AUTS2: variants seen among roughly 807,000 people sequenced by gnomAD.
The protein encoded by AUTS2 is activator of transcription and developmental regulator AUTS2.
AUTS2 carries 17 observed loss-of-function variants against 112.4 expected under a neutral mutation model. The observed-to-expected ratio is 0.15, with a 90% CI of 0.10 to 0.23. AUTS2 has a LOEUF of 0.23. AUTS2 is among the 10% of genes least tolerant of loss of function. The pLI, the probability that AUTS2 is intolerant of heterozygous loss-of-function variation, is 1.00. For missense variants in AUTS2, 1,510 were observed against 1,701.6 expected (o/e 0.89, Z 1.98); for synonymous variants, 751 against 702.7 (o/e 1.07, Z -1.09).
intron 1 of AUTS2, among the ~76,000 whole-genome samples, chr7:69,887,305 A>G (rs1794321019): frequency 6.6e-6 from 1 of 151,922 alleles, no homozygotes; most frequent in South Asian, 2.1e-4. Context: ...AATCCCAGCT[A>G]CATGGGAGGC....
chr7:70,275,819 G>A (rs554811938), intron 4 of AUTS2, among the ~76,000 whole-genome samples: 2 of 152,260 alleles, frequency 1.3e-5, no homozygotes, highest in Non-Finnish European at 2.9e-5. Flanking sequence ...GGATGTGTTT[G>A]CTTCCCCTTC....
At chr7:70,383,568 A>G (rs1376809589) in intron 4 of AUTS2, among the ~76,000 whole-genome samples, 1 of 152,208 alleles carries the variant, frequency 6.6e-6, no homozygotes, top group East Asian at 1.9e-4. Flanking sequence ...TCTGTTCTGC[A>G]TCTTTGAGGC....
chr7:70,169,063 T>A (rs1808531160), intron 4 of AUTS2, among the ~76,000 whole-genome samples: 1 of 152,138 alleles, frequency 6.6e-6, no homozygotes, highest in South Asian at 2.1e-4. Context: ...AGATTTAGAT[T>A]AGTTACATGA....
At chr7:69,844,037 A>G (rs986028100) in intron 1 of AUTS2, among the ~76,000 whole-genome samples, 1 of 152,224 alleles carries the variant, frequency 6.6e-6, no homozygotes, top group African/African-American at 2.4e-5. Flanking sequence ...TTCACATACC[A>G]GCCAATCCTC....
chr7:70,471,942 G>A (rs1054413708), intron 5 of AUTS2, among the ~76,000 whole-genome samples: 1 of 152,044 alleles, frequency 6.6e-6, no homozygotes, highest in South Asian at 2.1e-4. Flanking sequence ...GAGTGGAGAG[G>A]GGGAGAGCCA....
intron 18 of AUTS2, among the ~76,000 whole-genome samples, chr7:70,787,681 C>CA (rs1353825916): frequency 6.6e-6 from 1 of 152,172 alleles, no homozygotes; most frequent in Non-Finnish European, 1.5e-5. Context: ...CAGCACGTCC[C>CA]AAGTCCCTGT....
intron 2 of AUTS2, among the ~76,000 whole-genome samples, chr7:69,993,136 C>CA (rs1280792106): frequency 2.0e-5 from 3 of 152,302 alleles, no homozygotes; most frequent in South Asian, 4.1e-4. Context: ...GGTTCAGAGA[C>CA]AAAGACGATG....
intron 4 of AUTS2, among the ~76,000 whole-genome samples, chr7:70,299,134 A>G (rs1448594399): frequency 6.6e-6 from 1 of 152,226 alleles, no homozygotes; most frequent in Non-Finnish European, 1.5e-5. Flanking sequence ...TCTTTTCCAA[A>G]TAAAGATTGC....
chr7:70,359,200 A>G (rs1410523788), intron 4 of AUTS2, among the ~76,000 whole-genome samples: 1 of 152,250 alleles, frequency 6.6e-6, no homozygotes, highest in East Asian at 1.9e-4. Flanking sequence ...TAGTTTGAAC[A>G]AAGTAAAGCA....
intron 6 of AUTS2, among the ~76,000 whole-genome samples, chr7:70,730,547 A>G (rs1018860770): frequency 9.8e-5 from 15 of 152,308 alleles, no homozygotes; most frequent in African/African-American, 3.1e-4. Flanking sequence ...TTCACTTAGC[A>G]TAATGTTTTC....
chr7:70,259,656 G>T (rs1034083438), intron 4 of AUTS2, among the ~76,000 whole-genome samples: 1 of 152,224 alleles, frequency 6.6e-6, no homozygotes, highest in Non-Finnish European at 1.5e-5. Context: ...ATGCCACCTT[G>T]TTCTTGACCA....
chr7:70,358,761 A>T (rs565975158), intron 4 of AUTS2, among the ~76,000 whole-genome samples: 1 of 152,340 alleles, frequency 6.6e-6, no homozygotes, highest in South Asian at 2.1e-4. Context: ...CCCCTTATGC[A>T]TGGTCTCAAG....
chr7:69,658,932 C>A (rs1437592090), intron 1 of AUTS2, among the ~76,000 whole-genome samples: 1 of 152,162 alleles, frequency 6.6e-6, no homozygotes, highest in African/African-American at 2.4e-5. Flanking sequence ...TATGCTTTTG[C>A]TATTCACATA....
intron 1 of AUTS2, among the ~76,000 whole-genome samples, chr7:69,630,462 GC>G (rs1264667152): frequency 1.3e-5 from 2 of 152,098 alleles, no homozygotes; most frequent in Non-Finnish European, 2.9e-5. Flanking sequence ...CTGTAAACTA[GC>G]CACGAGTAAA....
intron 4 of AUTS2, among the ~76,000 whole-genome samples, chr7:70,148,530 A>T (rs981657015): frequency 6.6e-6 from 1 of 152,188 alleles, no homozygotes; most frequent in Non-Finnish European, 1.5e-5. Flanking sequence ...GACTCAGCCC[A>T]CTGGTCTGGT....
chr7:69,761,514 A>C (rs917851239), intron 1 of AUTS2, among the ~76,000 whole-genome samples: 1 of 152,038 alleles, frequency 6.6e-6, no homozygotes, highest in Non-Finnish European at 1.5e-5. Context: ...TTGTGAGATC[A>C]TCTTTCTGTG....
At chr7:70,628,365 A>ATATATG (rs1563086179) in intron 5 of AUTS2, among the ~76,000 whole-genome samples, 1 of 6,356 alleles carries the variant, frequency 1.6e-4, no homozygotes, top group Non-Finnish European at 3.1e-4. Flanking sequence ...GTATATATAT[A>ATATATG]TATATGTATA....
At chr7:70,398,925 TG>T (rs932072178) in intron 4 of AUTS2, among the ~76,000 whole-genome samples, 12 of 152,104 alleles carry the variant, frequency 7.9e-5, no homozygotes, top group African/African-American at 2.9e-4. Flanking sequence ...GTTTGATTTT[TG>T]TGTGTGTTTT....
At chr7:70,551,263 C>T (rs1054192570) in intron 5 of AUTS2, among the ~76,000 whole-genome samples, 2 of 152,022 alleles carry the variant, frequency 1.3e-5, no homozygotes, top group African/African-American at 4.8e-5. Context: ...CATAATGCCC[C>T]ACTCCCTCAA....
Sources: allele counts gnomAD v4.1 joint callset (sites outside exome capture counted in the v4.1 genomes callset), GRCh38; gene constraint gnomAD v4.1.1; transcripts MANE v1.5; gene names NCBI Gene and HGNC (gene_info 2026-07-23, HGNC 2026-07-21).